The following TRIM10 variants were observed in gnomAD, a reference collection of about 807,000 sequenced individuals.
TRIM10 encodes the protein tripartite motif-containing protein 10.
A neutral mutation model predicts 40.0 loss-of-function variants in TRIM10; 42 were observed. The observed-to-expected ratio is 1.05, with a 90% CI of 0.82 to 1.36. The LOEUF (loss-of-function observed/expected upper bound fraction) is 1.36. Ranked by LOEUF, TRIM10 falls within the 40% of genes most tolerant of loss-of-function variation. The pLI is 0.00. For missense variants in TRIM10, 601 were observed against 608.3 expected (o/e 0.99, Z 0.13); for synonymous variants, 260 against 239.5 (o/e 1.09, Z -0.79).
rs763354171 is a variant in TRIM10, at chr6:30,154,285, C to T, written c.1130G>A (p.Gly377Asp). The T allele has an allele frequency of 3.1e-6, 5 of 1,612,604 alleles. No individual in the cohort carries two copies. The highest frequency in any genetic ancestry group is 1.7e-5 in the Admixed American group (1 of 60,004). ...GCTCACCACGCCCACGGTGCAGCTG[C>T]CCCCATGGGCCAGGTCTATACTCAC... is the stretch of plus-strand genomic sequence containing the variant. ...WVVSIDLAHG[G>D]SCTVGVVSED... is the part of the protein sequence containing the mutation. Residue 377 changes from glycine to aspartate, a missense_variant, in exon 7 of 7, where the codon GGC becomes GAC. By Grantham distance (94) the Gly-to-Asp change is moderately conservative (BLOSUM62 -1). Coordinates refer to ENST00000449742, the MANE Select transcript of TRIM10 (RefSeq NM_006778.4).
At chr6:30,162,420 A>T (rs963902808), upstream of TRIM10, among the ~76,000 whole-genome samples, 1 of 152,148 alleles carries the variant, frequency 6.6e-6, no homozygotes, top group Non-Finnish European at 1.5e-5. Flanking sequence ...TGGCTCCTGT[A>T]TTGGACAAAC....
At chr6:30,163,920 G>A (rs760218715), upstream of TRIM10, 6 of 1,613,122 alleles carry the variant, frequency 3.7e-6, no homozygotes, top group South Asian at 4.4e-5. Flanking sequence ...GGCCCGCTGG[G>A]AGAAACTTAC....
upstream of TRIM10, among the ~76,000 whole-genome samples, chr6:30,161,602 A>G (rs1173316034): frequency 6.6e-6 from 1 of 152,236 alleles, no homozygotes; most frequent in African/African-American, 2.4e-5. Context: ...GCAATTTAAA[A>G]GTATGATCTT....
chr6:30,155,181 G>A (rs1364921196), intron 6 of TRIM10, among the ~76,000 whole-genome samples: 1 of 152,142 alleles, frequency 6.6e-6, no homozygotes, highest in Admixed American at 6.5e-5. Flanking sequence ...GTGACTCCCA[G>A]GGTCTTAGGC....
chr6:30,162,839 G>A (rs1773230769), upstream of TRIM10, among the ~76,000 whole-genome samples: 1 of 151,878 alleles, frequency 6.6e-6, no homozygotes, highest in South Asian at 2.1e-4. Flanking sequence ...AGATAAATGT[G>A]GTTGAAACTG....
At position 30,156,683 on chromosome 6, in the gene TRIM10, C is replaced by A; in HGVS notation, c.895+256G>T. 3 of 588,162 alleles carry A rather than the reference C, an allele frequency of 5.1e-6. No homozygotes were observed. The South Asian group carries it at 5.8e-5, about 11-fold the overall frequency. The allele number at this position is 588,162 out of a possible 1,614,324, so 36.4% of individuals were successfully genotyped here. On this transcript the variant is annotated intron_variant, in intron 5 of 6. Coordinates refer to ENST00000449742, the MANE Select transcript of TRIM10 (RefSeq NM_006778.4). ...CATTATCTTTCATATTGCTTAATGA[C>A]CACTAATCAGATTTGTTGAATTATT...
intron 3 of TRIM10, 29 bp downstream of exon 3, chr6:30,158,370 G>C (rs749046875): frequency 5.6e-5 from 89 of 1,581,024 alleles, no homozygotes; most frequent in Non-Finnish European, 7.5e-5. Context: ...GACAGCACAG[G>C]TGGGGCAGGG....
In TRIM10 at chr6:30,153,958, A is replaced by G. The variant is rs1370791944; in HGVS notation, c.*11T>C. On this transcript the variant is annotated 3_prime_UTR_variant, in exon 7 of 7. Transcript: ENST00000449742. ...TCCTGTACTTAGAGGAGAGTAGGTA[A>G]CTGCTCCTTCTCAGGAGCTCAGGGA... 1.2e-5 allele frequency: 19 copies of G among 1,588,022 alleles called. No homozygotes were observed. The highest frequency in any genetic ancestry group is 1.6e-5 in the Non-Finnish European group (19 of 1,163,844).
At chr6:30,155,961 T>G (rs1772493130) in intron 5 of TRIM10, among the ~76,000 whole-genome samples, 1 of 152,144 alleles carries the variant, frequency 6.6e-6, no homozygotes, top group Non-Finnish European at 1.5e-5. Flanking sequence ...ATTCAGGTGC[T>G]CTGGGGTGGA....
At chr6:30,158,876 A>G (rs1338383592) in intron 2 of TRIM10, among the ~76,000 whole-genome samples, 7 of 152,204 alleles carry the variant, frequency 4.6e-5, no homozygotes, top group African/African-American at 1.7e-4. Context: ...GTCTTGTATG[A>G]AAAGCACATT....
chr6:30,156,582 A>G (rs1042580148), intron 5 of TRIM10, among the ~76,000 whole-genome samples: 7 of 152,266 alleles, frequency 4.6e-5, no homozygotes, highest in African/African-American at 1.4e-4. Context: ...AACAATGTTC[A>G]TCATCAAAAA....
rs1240146485 is a variant in TRIM10, at chr6:30,158,465, G to A, written c.690C>T (p.Cys230=). ...EFDLLVAGEI[C]RFSALIEELE... Reference sequence around the variant, plus strand: ...GTTCTTCAATAAGAGCACTAAACCGGCAGATCTCCCCAGCAACCAGCAAAT... The same window carrying A: ...GTTCTTCAATAAGAGCACTAAACCGACAGATCTCCCCAGCAACCAGCAAAT... The change falls in exon 3 of 7, where the codon TGC becomes TGT. Residue 230 remains cysteine, a synonymous_variant. Transcript: ENST00000449742. 6.2e-7 allele frequency: 1 copy of A among 1,613,028 alleles called. No individual in the cohort carries two copies. The highest frequency in any genetic ancestry group is 1.7e-5 in the Admixed American group (1 of 60,022).
chr6:30,158,400 G>T lies in TRIM10; in HGVS notation c.755C>A (p.Thr252Lys). 1.9e-6 allele frequency: 3 copies of T among 1,612,674 alleles called. No homozygotes were observed. Among genetic ancestry groups the T allele is most frequent in the Non-Finnish European group, 2.5e-6 (3 of 1,179,750 alleles). The change falls in exon 3 of 7, where the codon ACG (threonine) becomes AAG (lysine). Residue 252 changes from threonine (T) to lysine (K), a missense_variant and splice_region_variant. By Grantham distance (78) the Thr-to-Lys change is moderately conservative. Coordinates refer to ENST00000449742, the MANE Select transcript of TRIM10 (RefSeq NM_006778.4). ...KNERPARELL[T>K]DIRSTLIRCE... ...GCAGGGTTCCGGTTCAGGCCTCACC[G>T]TCAGGAGCTCCCTTGCTGGCCTCTC...
rs137941157 is a variant in TRIM10, at chr6:30,154,129, C to A, written c.1286G>T (p.Arg429Leu). Residue 429 changes from arginine to leucine, a missense_variant, in exon 7 of 7, where the codon CGG becomes CTG. Transcript: ENST00000449742. ...ATAGTCAAGAGACACCCTCACCTGCCGGGGCTGCTCCTTCAGGGTCAGCCG... is the reference window on the plus strand; with the variant it reads ...ATAGTCAAGAGACACCCTCACCTGCAGGGGCTGCTCCTTCAGGGTCAGCCG... ...PTRLTLKEQP[R>L]QVRVSLDYEV... 67 of 1,612,820 alleles carry A rather than the reference C, an allele frequency of 4.2e-5. No homozygotes were observed. The African/African-American group carries it at 8.5e-4, about 21-fold the overall frequency.
upstream of TRIM10, among the ~76,000 whole-genome samples, chr6:30,161,350 G>A (rs1475968649): frequency 1.3e-5 from 2 of 152,180 alleles, no homozygotes; most frequent in South Asian, 4.1e-4. Context: ...GCAAGCAGGA[G>A]AGTGTGGGGG....
At position 30,154,275 on chromosome 6, in the gene TRIM10, G is replaced by A. The variant is rs770313023; in HGVS notation, c.1140C>T (p.Thr380=). Reference sequence around the variant, plus strand: ...GCACATCCTCGCTCACCACGCCCACGGTGCAGCTGCCCCCATGGGCCAGGT... The same window carrying A: ...GCACATCCTCGCTCACCACGCCCACAGTGCAGCTGCCCCCATGGGCCAGGT... ...SIDLAHGGSC[T]VGVVSEDVQR... Residue 380 remains threonine (T), a synonymous_variant, in exon 7 of 7, where the codon ACC becomes ACT. Coordinates refer to ENST00000449742, the MANE Select transcript of TRIM10 (RefSeq NM_006778.4). 2.4e-5 allele frequency: 38 copies of A among 1,612,610 alleles called. No individual in the cohort carries two copies. The highest frequency in any genetic ancestry group is 8.0e-5 in the African/African-American group (6 of 74,920).
chr6:30,153,823 T>A lies in TRIM10; in HGVS notation c.*146A>T. On this transcript the variant is annotated 3_prime_UTR_variant, in exon 7 of 7. Transcript: ENST00000449742. ...AGTAGATTGAGAGTCCTCTCTTCTA[T>A]CCCTTACCACCCGGCCCCATCCCAT... The A allele has an allele frequency of 6.2e-7, 1 of 1,611,848 alleles. No individual in the cohort carries two copies. The highest frequency in any genetic ancestry group is 8.5e-7 in the Non-Finnish European group (1 of 1,179,110).
rs1273859011 is a variant in TRIM10 at position 30,160,530 on chromosome 6, CAGA to C, written c.326_328del (p.Phe109del). ...GCACAACTGCATCTCATCATCCTCA[CAGA>C]AGAAGTAGATCTTCTCTCCGTGCTC... On this transcript the variant is annotated inframe_deletion, in exon 1 of 7. Coordinates refer to ENST00000449742, the MANE Select transcript of TRIM10 (RefSeq NM_006778.4). 3 of 1,614,110 alleles carry C rather than the reference CAGA, an allele frequency of 1.9e-6. No homozygotes were observed. Among genetic ancestry groups the C allele is most frequent in the East Asian group, 2.2e-5 (1 of 44,892 alleles).
intron 2 of TRIM10, 100 bp from the exon 3 acceptor site, chr6:30,158,729 T>C: frequency 1.0e-6 from 1 of 964,126 alleles, no homozygotes. Flanking sequence ...AACTGTGTCA[T>C]GGTTTCCTTT....
Sources: gnomAD v4.1 joint callset for allele counts (sites outside exome capture counted in the v4.1 genomes callset) on GRCh38, gnomAD v4.1.1 for gene constraint, MANE v1.5 for transcripts, NCBI Gene and HGNC (gene_info 2026-07-23, HGNC 2026-07-21) for gene names.